Variants in IL15 observed in about 807,000 individuals in gnomAD.
IL15 encodes the protein interleukin-15.
Under a neutral mutation model 19.6 loss-of-function variants are expected in IL15, and 11 were observed. That is an observed-to-expected ratio of 0.56 (90% CI 0.35 to 0.93). The LOEUF is 0.93. Ranked by LOEUF, IL15 falls within the 40% of genes least tolerant of loss-of-function variation. The pLI, the probability that IL15 is intolerant of heterozygous loss-of-function variation, is 0.01. For missense variants in IL15, 197 were observed against 186.5 expected (o/e 1.06, Z -0.33); for synonymous variants, 58 against 59.6 (o/e 0.97, Z 0.12).
intron 2 of IL15, among the ~76,000 whole-genome samples, chr4:141,662,599 TTC>T (rs1727830682): frequency 6.6e-6 from 1 of 152,232 alleles, no homozygotes; most frequent in African/African-American, 2.4e-5. Flanking sequence ...TGTAGCTGTG[TTC>T]TTTGTTACTG....
At chr4:141,667,561 T>G (rs1428171179) in intron 2 of IL15, among the ~76,000 whole-genome samples, 1 of 152,198 alleles carries the variant, frequency 6.6e-6, no homozygotes, top group Non-Finnish European at 1.5e-5. Context: ...TCATACCTTT[T>G]TTTTTCACTC....
chr4:141,644,222 A>G (rs112520569), intron 1 of IL15, among the ~76,000 whole-genome samples: 2,062 of 152,088 alleles, frequency 0.014, 49 homozygotes, highest in African/African-American at 0.047. Flanking sequence ...CCTGTTCTCA[A>G]CATAGCAGCC....
At chr4:141,728,005 A>G (rs770260226) in intron 6 of IL15, 21 bp downstream of exon 6, 1 of 1,165,708 alleles carries the variant, frequency 8.6e-7, no homozygotes, top group South Asian at 1.3e-5. Context: ...TTTTTTTCAA[A>G]ATTGCTATTT....
chr4:141,656,001 A>G (rs1006968045), intron 1 of IL15, among the ~76,000 whole-genome samples, 185 bp from the exon 2 acceptor site: 3 of 152,140 alleles, frequency 2.0e-5, no homozygotes, highest in Non-Finnish European at 4.4e-5. Context: ...ATTATGGGGA[A>G]CTCTGAGGAT....
chr4:141,709,154 T>G (rs1729629485), intron 2 of IL15, among the ~76,000 whole-genome samples: 1 of 151,934 alleles, frequency 6.6e-6, no homozygotes, highest in South Asian at 2.1e-4. Context: ...TCAATACTAT[T>G]AATTTTTTGG....
chr4:141,705,181 T>C (rs1729468416), intron 2 of IL15, among the ~76,000 whole-genome samples: 1 of 151,948 alleles, frequency 6.6e-6, no homozygotes, highest in African/African-American at 2.4e-5. Context: ...GATTGTCTAC[T>C]AGAAATCTTT....
At chr4:141,729,800 T>A in intron 6 of IL15, 47 bp from the exon 7 acceptor site, 1 of 1,082,414 alleles carries the variant, frequency 9.2e-7, no homozygotes, top group Non-Finnish European at 1.4e-6. Context: ...AGTATGAAAA[T>A]TAATAATCAG....
chr4:141,729,994 C>T lies in IL15; in HGVS notation c.378+10C>T, dbSNP rs778963084. 7.5e-6 allele frequency: 12 copies of T among 1,605,044 alleles called. No individual in the cohort carries two copies. The highest frequency in any genetic ancestry group is 2.2e-5 in the East Asian group (1 of 44,790). On this transcript the variant is annotated intron_variant, in intron 7 of 7. Coordinates refer to ENST00000320650, the MANE Select transcript of IL15 (RefSeq NM_000585.5). ...TTTGTCTTCTAATGGGGTGAGTTTT[C>T]CAACAGTTGCTTAGAGTTGCATCTT...
chr4:141,724,279 A>C (rs898500757), intron 5 of IL15, among the ~76,000 whole-genome samples: 3 of 152,094 alleles, frequency 2.0e-5, no homozygotes, highest in Admixed American at 1.3e-4. Flanking sequence ...AAAAAAATGA[A>C]ATACAGCATA....
intron 2 of IL15, among the ~76,000 whole-genome samples, chr4:141,678,957 T>G (rs1728447905): frequency 6.6e-6 from 1 of 152,218 alleles, no homozygotes; most frequent in Admixed American, 6.5e-5. Flanking sequence ...GGTTGTTAAG[T>G]GTAACATATT....
intron 7 of IL15, 88 bp from the exon 8 acceptor site, chr4:141,732,650 G>T (rs1730487560): frequency 1.3e-6 from 2 of 1,534,460 alleles, no homozygotes; most frequent in African/African-American, 1.4e-5. Flanking sequence ...TCACCATATG[G>T]TTCAAACGAT....
At chr4:141,668,905 C>A (rs1728080856) in intron 2 of IL15, among the ~76,000 whole-genome samples, 1 of 152,150 alleles carries the variant, frequency 6.6e-6, no homozygotes, top group Non-Finnish European at 1.5e-5. Context: ...GTGCTAAAAA[C>A]GTGAATGCAA....
At chr4:141,721,746 T>A in intron 4 of IL15, 178 bp from the exon 5 acceptor site, 1 of 629,312 alleles carries the variant, frequency 1.6e-6, no homozygotes, top group Non-Finnish European at 2.7e-6. Flanking sequence ...AATGCCAAAA[T>A]TGTACTATAT....
intron 2 of IL15, among the ~76,000 whole-genome samples, chr4:141,708,164 A>G (rs1314339448): frequency 1.3e-5 from 2 of 152,168 alleles, no homozygotes; most frequent in African/African-American, 4.8e-5. Flanking sequence ...TGTTGGTAAC[A>G]TGGCTAGTGG....
intron 7 of IL15, among the ~76,000 whole-genome samples, chr4:141,730,826 C>G (rs565588467): frequency 1.7e-4 from 26 of 152,228 alleles, no homozygotes; most frequent in African/African-American, 6.3e-4. Flanking sequence ...CAAATTAGTT[C>G]ATTTCATAAA....
chr4:141,664,904 A>T (rs1305870934), intron 2 of IL15, among the ~76,000 whole-genome samples: 1 of 152,094 alleles, frequency 6.6e-6, no homozygotes, highest in African/African-American at 2.4e-5. Flanking sequence ...CAAATTTGCA[A>T]TTCCTTTATT....
chr4:141,732,611 A>G, intron 7 of IL15, 127 bp from the exon 8 acceptor site: 2 of 1,242,526 alleles, frequency 1.6e-6, no homozygotes, highest in Non-Finnish European at 2.2e-6. Flanking sequence ...TATGCTATTT[A>G]TTTGCTAAAG....
chr4:141,719,974 A>G (rs1375664494), intron 3 of IL15, among the ~76,000 whole-genome samples: 1 of 152,188 alleles, frequency 6.6e-6, no homozygotes, highest in Non-Finnish European at 1.5e-5. Flanking sequence ...GGAATACAGT[A>G]TCTGTAATTG....
At chr4:141,657,411 T>C (rs1727644760) in intron 2 of IL15, among the ~76,000 whole-genome samples, 1 of 151,950 alleles carries the variant, frequency 6.6e-6, no homozygotes, top group Non-Finnish European at 1.5e-5. Context: ...TTTCTTCTTT[T>C]AATAATAAAT....
Sources: allele counts gnomAD v4.1 joint callset (sites outside exome capture counted in the v4.1 genomes callset), GRCh38; gene constraint gnomAD v4.1.1; transcripts MANE v1.5; gene names NCBI Gene and HGNC (gene_info 2026-07-23, HGNC 2026-07-21).